Variants in ZNF280A observed in about 807,000 individuals in gnomAD.
The protein encoded by ZNF280A is zinc finger protein 280A.
Under a neutral mutation model 35.9 loss-of-function variants are expected in ZNF280A, and 26 were observed. That is an observed-to-expected ratio of 0.72 (90% CI 0.53 to 1.01). The LOEUF is 1.01. Ranked by LOEUF, ZNF280A falls within the 50% of genes least tolerant of loss-of-function variation. ZNF280A has a pLI of 0.00. For synonymous variants in ZNF280A, 231 were observed against 232.9 expected (o/e 0.99, Z 0.07); for missense variants, 654 against 652.0 (o/e 1.00, Z -0.03).
rs1270952082 is a variant in ZNF280A at position 22,515,277 on chromosome 22, CT to C, written c.353del (p.Lys118SerfsTer10). ...TTTTATAACCAGGTTCAGATGAAGA[CT>C]TCATAGTGACAGGACTATCTGTCGA... ...GRSTDSPVTM[K>X]SSSEPGYKMS... On this transcript the variant is annotated frameshift_variant, in exon 2 of 2. Transcript: ENST00000302097. LOFTEE classifies it high-confidence loss of function. 1.2e-6 allele frequency: 2 copies of C among 1,613,734 alleles called. No individual in the cohort carries two copies. The highest frequency in any genetic ancestry group is 1.7e-6 in the Non-Finnish European group (2 of 1,179,960).
At chr22:22,516,085 C>T (rs1469653941) in intron 1 of ZNF280A, among the ~76,000 whole-genome samples, 2 of 151,898 alleles carry the variant, frequency 1.3e-5, no homozygotes, top group East Asian at 2.0e-4. Flanking sequence ...GCCTGGGCAA[C>T]ATAGCAAGAC....
intron 1 of ZNF280A, among the ~76,000 whole-genome samples, chr22:22,517,542 T>G (rs2062086188): frequency 6.6e-6 from 1 of 151,918 alleles, no homozygotes; most frequent in Admixed American, 6.6e-5. Context: ...GTGTGTAAAT[T>G]GAAACAAAAG....
chr22:22,518,172 G>A (rs372957099), intron 1 of ZNF280A, among the ~76,000 whole-genome samples: 4 of 151,810 alleles, frequency 2.6e-5, no homozygotes, highest in Admixed American at 1.3e-4. Flanking sequence ...TGATCCGCCC[G>A]CCTCGGCCTC....
At chr22:22,519,010 C>T (rs2062108622) in intron 1 of ZNF280A, among the ~76,000 whole-genome samples, 1 of 151,746 alleles carries the variant, frequency 6.6e-6, no homozygotes, top group African/African-American at 2.4e-5. Context: ...CTTGAAACTG[C>T]AGATGGAACC....
intron 1 of ZNF280A, among the ~76,000 whole-genome samples, chr22:22,516,635 T>C (rs1244729897): frequency 1.3e-5 from 2 of 151,956 alleles, no homozygotes; most frequent in East Asian, 3.9e-4. Context: ...ATTTCGCTCT[T>C]AAGTCTTCAA....
At chr22:22,519,802 G>A (rs1339933017) in intron 1 of ZNF280A, among the ~76,000 whole-genome samples, 1 of 151,928 alleles carries the variant, frequency 6.6e-6, no homozygotes, top group South Asian at 2.1e-4. Context: ...ACAAAGGGAG[G>A]ATTACCATCC....
At chr22:22,516,123 T>G (rs116842304) in intron 1 of ZNF280A, among the ~76,000 whole-genome samples, 3,954 of 151,358 alleles carry the variant, frequency 0.026, 82 homozygotes, top group Middle Eastern at 0.094. Flanking sequence ...ATTTAAAAAT[T>G]AAAAAAAATT....
rs1435668856 is a variant in ZNF280A, at chr22:22,514,114, G to A, written c.1517C>T (p.Ala506Val). 1.2e-6 allele frequency: 2 copies of A among 1,613,924 alleles called. No homozygotes were observed. Among genetic ancestry groups the A allele is most frequent in the Non-Finnish European group, 1.7e-6 (2 of 1,179,988 alleles). The change falls in exon 2 of 2, where the codon GCT (alanine) becomes GTT (valine). Residue 506 changes from alanine (A) to valine (V), a missense_variant. Physicochemically the swap from Ala to Val is moderately conservative, Grantham distance 64. Transcript: ENST00000302097. ...TSVQPGSSGM[A>V]SVIVSNTDPQ... ...GTCAGTGTTGCTAACAATAACGGAA[G>A]CCATACCACTTGATCCTGGCTGAAC...
rs577671439 is a variant in ZNF280A, at chr22:22,515,483, C to G, written c.148G>C (p.Gly50Arg). The change falls in exon 2 of 2, where the codon GGG becomes CGG. Residue 50 changes from glycine to arginine, a missense_variant. By Grantham distance (125) the Gly-to-Arg change is moderately radical (BLOSUM62 -2). Transcript: ENST00000302097. ...ACTGGTTTTGAATTTGAAATCATCC[C>G]GACAAAGAGAACTTCAGCATCTCTA... ...VHRDAEVLFV[G>R]MISNSKPVVS... 6.2e-7 allele frequency: 1 copy of G among 1,613,658 alleles called. No individual in the cohort carries two copies. The highest frequency in any genetic ancestry group is 1.3e-5 in the African/African-American group (1 of 74,814).
In ZNF280A at chr22:22,514,124, T is replaced by C. The variant is rs748057177; in HGVS notation, c.1507A>G (p.Ser503Gly). Residue 503 changes from serine (S) to glycine (G), a missense_variant, in exon 2 of 2, where the codon AGT (serine) becomes GGT (glycine). By Grantham distance (56) the Ser-to-Gly change is moderately conservative. Coordinates refer to ENST00000302097, the MANE Select transcript of ZNF280A (RefSeq NM_080740.5). ...CTAACAATAACGGAAGCCATACCACTTGATCCTGGCTGAACTGAAGTTTGA... is the reference window on the plus strand; with the variant it reads ...CTAACAATAACGGAAGCCATACCACCTGATCCTGGCTGAACTGAAGTTTGA... ...IIQTSVQPGS[S>G]GMASVIVSNT... 1.2e-6 allele frequency: 2 copies of C among 1,613,828 alleles called. No homozygotes were observed. Among genetic ancestry groups the C allele is most frequent in the Non-Finnish European group, 1.7e-6 (2 of 1,179,994 alleles).
In ZNF280A at chr22:22,515,363, C is replaced by T. The variant is rs768933023; in HGVS notation, c.268G>A (p.Ala90Thr). ...TTTGCCATAGAGGTCACATGATTTGCAGGCTGCGACACGTGAGCAGGATAT... is the reference window on the plus strand; with the variant it reads ...TTTGCCATAGAGGTCACATGATTTGTAGGCTGCGACACGTGAGCAGGATAT... ...RQYPAHVSQP[A>T]NHVTSMAKAI... Residue 90 changes from alanine (A) to threonine (T), a missense_variant, in exon 2 of 2, where the codon GCA becomes ACA. Transcript: ENST00000302097. The T allele has an allele frequency of 3.0e-5, 49 of 1,613,756 alleles. No homozygotes were observed. In the Admixed American group the frequency reaches 7.5e-4, roughly 25 times the overall value.
At chr22:22,516,285 ACACAAATCACAG>A (rs1186294401) in intron 1 of ZNF280A, among the ~76,000 whole-genome samples, 6 of 129,588 alleles carry the variant, frequency 4.6e-5, no homozygotes, top group African/African-American at 1.8e-4. Context: ...ACACACACAC[ACACAAATCACAG>A]CACACACACA....
At chr22:22,517,924 T>A (rs1448545497) in intron 1 of ZNF280A, among the ~76,000 whole-genome samples, 3 of 145,074 alleles carry the variant, frequency 2.1e-5, no homozygotes, top group Non-Finnish European at 3.0e-5. Context: ...ATTGATGGCA[T>A]CTTTTTTTTT....
Position 22,515,448 on chromosome 22 carries a change from G to A in ZNF280A, c.183C>T (p.Asn61=). 6.2e-7 allele frequency: 1 copy of A among 1,613,500 alleles called. No individual in the cohort carries two copies. Among genetic ancestry groups the A allele is most frequent in the Non-Finnish European group, 8.5e-7 (1 of 1,179,878 alleles). ...AGCCTGGGGTGACTCTGTTCAAAAT[G>A]TTTGAAACGACTGGTTTTGAATTTG... ...MISNSKPVVS[N]ILNRVTPGSN... Residue 61 remains asparagine, a synonymous_variant, in exon 2 of 2, where the codon AAC becomes AAT. Coordinates refer to ENST00000302097, the MANE Select transcript of ZNF280A (RefSeq NM_080740.5).
chr22:22,514,370 T>A lies in ZNF280A; in HGVS notation c.1261A>T (p.Lys421Ter). Reference sequence around the variant, plus strand: ...AGACAAAACAGACAAAGCAAATTCTTTGTGTTTTCATGGCACGTTCTAAAA... The same window carrying A: ...AGACAAAACAGACAAAGCAAATTCTATGTGTTTTCATGGCACGTTCTAAAA... Reference protein sequence around the residue: ...THFRTCHENTKNLLCLFCLKL... With the variant: ...THFRTCHENT Residue 421 changes from lysine (K) to a stop codon, truncating the protein, a stop_gained, in exon 2 of 2, where the codon AAG becomes TAG. Transcript: ENST00000302097. LOFTEE classifies it high-confidence loss of function. The A allele has an allele frequency of 6.2e-7, 1 of 1,613,912 alleles. No individual in the cohort carries two copies. The highest frequency in any genetic ancestry group is 1.3e-5 in the African/African-American group (1 of 74,976).
In ZNF280A at chr22:22,515,592, T is replaced by C; in HGVS notation, c.39A>G (p.Pro13=). ...GTTTGGATTCTCTCAAATTCTTCTT[T>C]GGTGATTCCACTTTCTTACACAAAA... is the stretch of plus-strand genomic sequence containing the variant. ...DIFLCKKVES[P]KKNLRESKQR... The change falls in exon 2 of 2, where the codon CCA becomes CCG. Residue 13 remains proline, a synonymous_variant. Coordinates refer to ENST00000302097, the MANE Select transcript of ZNF280A (RefSeq NM_080740.5). 6.2e-7 allele frequency: 1 copy of C among 1,603,794 alleles called. No individual in the cohort carries two copies. The highest frequency in any genetic ancestry group is 2.2e-5 in the East Asian group (1 of 44,766).
At chr22:22,517,977 T>C (rs977700794) in intron 1 of ZNF280A, among the ~76,000 whole-genome samples, 3 of 146,530 alleles carry the variant, frequency 2.0e-5, no homozygotes, top group African/African-American at 5.1e-5. Context: ...CAGGCTGGAG[T>C]GCAGTGGTGC....
chr22:22,518,524 C>T (rs1164359972), intron 1 of ZNF280A, among the ~76,000 whole-genome samples: 2 of 151,544 alleles, frequency 1.3e-5, no homozygotes, highest in Non-Finnish European at 2.9e-5. Flanking sequence ...CGGTGGCTCA[C>T]GCCTGTAATC....
Position 22,514,125 on chromosome 22 carries a change from T to C in ZNF280A, c.1506A>G (p.Ser502=). The C allele has an allele frequency of 2.5e-6, 4 of 1,613,948 alleles. No homozygotes were observed. The East Asian group carries it at 6.7e-5, about 27-fold the overall frequency. ...TAACAATAACGGAAGCCATACCACTTGATCCTGGCTGAACTGAAGTTTGAA... is the reference window on the plus strand; with the variant it reads ...TAACAATAACGGAAGCCATACCACTCGATCCTGGCTGAACTGAAGTTTGAA... ...VIIQTSVQPG[S]SGMASVIVSN... The change falls in exon 2 of 2, where the codon TCA becomes TCG. Residue 502 remains serine (S), a synonymous_variant. Transcript: ENST00000302097.
Sources: gnomAD v4.1 joint callset for allele counts (sites outside exome capture counted in the v4.1 genomes callset) on GRCh38, gnomAD v4.1.1 for gene constraint, MANE v1.5 for transcripts, NCBI Gene and HGNC (gene_info 2026-07-23, HGNC 2026-07-21) for gene names.